ATG2B: variants seen among roughly 807,000 people sequenced by gnomAD.
ATG2B encodes the protein autophagy related 2B.
A neutral mutation model predicts 241.3 loss-of-function variants in ATG2B; 121 were observed. The ratio of observed to expected loss-of-function variants is 0.50; its 90% confidence interval spans 0.43 to 0.58. ATG2B has a LOEUF of 0.58. Ranked by LOEUF, ATG2B falls within the 20% of genes least tolerant of loss-of-function variation. The pLI is 0.00. For synonymous variants in ATG2B, 858 were observed against 876.6 expected, an observed-to-expected ratio of 0.98 and a Z score of 0.37; for missense variants, 2,306 against 2,491.6, an observed-to-expected ratio of 0.93 and a Z score of 1.59.
chr14:96,337,175 A>G (rs1460196256), intron 6 of ATG2B, among the ~76,000 whole-genome samples: 1 of 152,172 alleles, frequency 6.6e-6, no homozygotes. Context: ...AAAAACTGGG[A>G]CAGGTAAGTG....
At chr14:96,328,831 C>G in intron 12 of ATG2B, 65 bp from the exon 13 acceptor site, 1 of 1,245,816 alleles carries the variant, frequency 8.0e-7, no homozygotes. Context: ...GGTGCCCATA[C>G]AATAATGAGA....
intron 5 of ATG2B, among the ~76,000 whole-genome samples, chr14:96,342,774 G>C (rs1888076033): frequency 6.6e-6 from 1 of 150,658 alleles, no homozygotes; most frequent in Non-Finnish European, 1.5e-5. Flanking sequence ...TTTACACTTG[G>C]GTCTCATCCC....
Position 96,285,871 on chromosome 14 carries a change from TCAC to T in ATG2B, c.6118_6120del (p.Val2040del). 6.2e-7 allele frequency: 1 copy of T among 1,614,152 alleles called. No homozygotes were observed. Among genetic ancestry groups the T allele is most frequent in the Non-Finnish European group, 8.5e-7 (1 of 1,180,020 alleles). On this transcript the variant is annotated inframe_deletion, in exon 42 of 42. Transcript: ENST00000359933. The surrounding 1 kb of genome is among the most constrained non-coding windows in gnomAD (Gnocchi z 4.2). The stretch of plus-strand genomic sequence containing the variant: ...GCTTCTGTGGCAACAATCAGAGGTT[TCAC>T]CACTGCCGGAGGAATCTGGCGCAGA...
intron 10 of ATG2B, 38 bp from the exon 11 acceptor site, chr14:96,331,675 G>C (rs182064639): frequency 6.9e-7 from 1 of 1,448,424 alleles, no homozygotes; most frequent in Non-Finnish European, 9.3e-7. Context: ...CATAAAATTT[G>C]ACACATAAAA....
chr14:96,331,744 AAC>A lies in ATG2B; in HGVS notation c.1469-109_1469-108del, dbSNP rs1426742958. 3.4e-6 allele frequency: 3 copies of A among 882,756 alleles called. No homozygotes were observed. In the African/African-American group the frequency reaches 5.1e-5, roughly 15 times the overall value. The allele number at this position is 882,756 out of a possible 1,614,324, so 54.7% of individuals were successfully genotyped here. On this transcript the variant is annotated intron_variant, in intron 10 of 41. Coordinates refer to ENST00000359933, the MANE Select transcript of ATG2B (RefSeq NM_018036.7). ...AGCTTTAAAAAACAGATGATCATAC[AAC>A]AGTTTGAATGATATTAAACAATTAA...
intron 6 of ATG2B, among the ~76,000 whole-genome samples, chr14:96,338,043 C>T (rs192626705): frequency 6.6e-6 from 1 of 151,490 alleles, no homozygotes; most frequent in Admixed American, 6.6e-5. Context: ...ATTTTATTTG[C>T]AGCTATTGTA....
At chr14:96,314,780 A>G (rs1021628312) in intron 23 of ATG2B, among the ~76,000 whole-genome samples, 2 of 152,226 alleles carry the variant, frequency 1.3e-5, no homozygotes, top group Admixed American at 6.5e-5. Context: ...AGCTCACTGC[A>G]ACCTCCGCCT....
intron 5 of ATG2B, among the ~76,000 whole-genome samples, chr14:96,342,494 G>T (rs1170862133): frequency 6.6e-6 from 1 of 152,118 alleles, no homozygotes; most frequent in Non-Finnish European, 1.5e-5. Flanking sequence ...GGCTGAGGCA[G>T]GTGGATCGCC....
intron 32 of ATG2B, among the ~76,000 whole-genome samples, chr14:96,304,257 A>G (rs932183269): frequency 2.0e-5 from 3 of 152,238 alleles, no homozygotes; most frequent in African/African-American, 7.2e-5. Flanking sequence ...GGGCTTGCTC[A>G]ACTGTGAGAA....
chr14:96,287,931 G>A (rs368233237), intron 41 of ATG2B, among the ~76,000 whole-genome samples: 2 of 152,118 alleles, frequency 1.3e-5, no homozygotes, highest in African/African-American at 2.4e-5. Context: ...GCCTATCTAT[G>A]ACACACACAA....
In ATG2B at chr14:96,363,071, A is replaced by G; in HGVS notation, c.-95T>C. ...CGGCTCCAGGCCGCGGCGGGGCCTA[A>G]GCCTGGGGCGGCCCCTCCATCCCTA... On this transcript the variant is annotated 5_prime_UTR_variant, in exon 1 of 42. Transcript: ENST00000359933. The G allele has an allele frequency of 6.9e-7, 1 of 1,446,040 alleles. No individual in the cohort carries two copies. Among genetic ancestry groups the G allele is most frequent in the East Asian group, 2.3e-5 (1 of 43,996 alleles). 89.6% of individuals were successfully genotyped at this position (1,446,040 alleles called of 1,614,324 possible). A position where few individuals can be genotyped will look rare whatever the true frequency, so the allele number is the denominator to read the frequency against.
At position 96,328,457 on chromosome 14, in the gene ATG2B, C is replaced by T. The variant is rs369689045; in HGVS notation, c.2053G>A (p.Asp685Asn). 2 of 1,613,310 alleles carry T rather than the reference C, an allele frequency of 1.2e-6. No homozygotes were observed. The highest frequency in any genetic ancestry group is 1.7e-6 in the Non-Finnish European group (2 of 1,179,846). ...TTTAACCTGTCCACAATACTGATAT[C>T]CAGCTCACAACACACTGGATTTAAT... ...IKLNPVCCEL[D>N]ISIVDRLNSL... The change falls in exon 14 of 42, where the codon GAT becomes AAT. Residue 685 changes from aspartate to asparagine, a missense_variant. By Grantham distance (23) the Asp-to-Asn change is conservative (BLOSUM62 1). Coordinates refer to ENST00000359933, the MANE Select transcript of ATG2B (RefSeq NM_018036.7).
At position 96,328,405 on chromosome 14, in the gene ATG2B, G is replaced by C. The variant is rs759085001; in HGVS notation, c.2105C>G (p.Ala702Gly). The C allele has an allele frequency of 1.9e-6, 3 of 1,613,404 alleles. No homozygotes were observed. In the East Asian group the frequency reaches 6.7e-5, roughly 36 times the overall value. The change falls in exon 14 of 42, where the codon GCC (alanine) becomes GGC (glycine). Residue 702 changes from alanine (A) to glycine (G), a missense_variant. Ala to Gly is a moderately conservative substitution (Grantham distance 60). Around this residue, in one of 2 missense-constraint regions of ATG2B, gnomAD observed 1,927 missense variants for 2,011.2 expected, o/e 0.96. Coordinates refer to ENST00000359933, the MANE Select transcript of ATG2B (RefSeq NM_018036.7). The stretch of plus-strand genomic sequence containing the variant: ...GTGGGATGCCATCATCTCTACTGTG[G>C]CAAGTTTCTGTGGTTGAAGCAAGGA... ...LNSLLQPQKL[A>G]TVEMMASHMY...
intron 34 of ATG2B, 111 bp downstream of exon 34, chr14:96,301,896 A>T (rs890961757): frequency 2.5e-6 from 2 of 796,316 alleles, no homozygotes; most frequent in Non-Finnish European, 4.0e-6. Flanking sequence ...AGTTTGCTTT[A>T]TATATGTAAC....
chr14:96,288,700 G>A (rs1456410683), intron 41 of ATG2B, among the ~76,000 whole-genome samples: 1 of 150,770 alleles, frequency 6.6e-6, no homozygotes, highest in Non-Finnish European at 1.5e-5. Flanking sequence ...TATCTTTCAT[G>A]AAATCCTAAA....
At chr14:96,317,115 G>A in intron 20 of ATG2B, 30 bp downstream of exon 20, 5 of 1,564,984 alleles carry the variant, frequency 3.2e-6, no homozygotes, top group Non-Finnish European at 4.3e-6. Context: ...AGATACATTT[G>A]AAAAAACACT....
chr14:96,296,054 C>A (rs530185838), intron 34 of ATG2B, among the ~76,000 whole-genome samples: 3 of 152,032 alleles, frequency 2.0e-5, no homozygotes, highest in Non-Finnish European at 4.4e-5. Context: ...CCTGGGTTCA[C>A]GCCATTCTCC....
At chr14:96,322,428 G>A in intron 17 of ATG2B, 112 bp downstream of exon 17, 7 of 1,323,388 alleles carry the variant, frequency 5.3e-6, no homozygotes, top group Middle Eastern at 4.8e-4. Flanking sequence ...TGAAGTTTAA[G>A]ACCTAGCAAA....
In ATG2B at chr14:96,290,305, T is replaced by A. The variant is rs950439457; in HGVS notation, c.5856+131A>T. 18 of 1,326,752 alleles carry A rather than the reference T, an allele frequency of 1.4e-5. No homozygotes were observed. Among genetic ancestry groups the A allele is most frequent in the Non-Finnish European group, 1.0e-5 (10 of 981,546 alleles). The allele number at this position is 1,326,752 out of a possible 1,614,324, so 82.2% of individuals were successfully genotyped here. On this transcript the variant is annotated intron_variant, in intron 40 of 41. Coordinates refer to ENST00000359933, the MANE Select transcript of ATG2B (RefSeq NM_018036.7). This position sits in a 1 kb window ranked among gnomAD's most constrained non-coding sequence, Gnocchi z 4.4. ...TTTAAGCAATAAAACAAGCATGACATTAAATCACTACGAATAAAGTATCTA... is the reference window on the plus strand; with the variant it reads ...TTTAAGCAATAAAACAAGCATGACAATAAATCACTACGAATAAAGTATCTA...
Sources: gnomAD v4.1 joint callset for allele counts (sites outside exome capture counted in the v4.1 genomes callset) on GRCh38, gnomAD v4.1.1 for gene constraint, gnomAD v4.1.1 regional missense constraint, Gnocchi (gnomAD v3.1) non-coding constraint, MANE v1.5 for transcripts, NCBI Gene and HGNC (gene_info 2026-07-23, HGNC 2026-07-21) for gene names.